ALK: variants seen among roughly 807,000 people sequenced by gnomAD.
ALK encodes the protein ALK receptor tyrosine kinase, also known as ALK tyrosine kinase receptor.
A neutral mutation model predicts 163.1 loss-of-function variants in ALK; 74 were observed. The observed-to-expected ratio is 0.45, with a 90% CI of 0.38 to 0.55. The LOEUF (loss-of-function observed/expected upper bound fraction) is 0.55. ALK is among the 20% of genes least tolerant of loss of function. The pLI, the probability that ALK is intolerant of heterozygous loss-of-function variation, is 0.00. For synonymous variants in ALK, 960 were observed against 843.2 expected, an observed-to-expected ratio of 1.14 and a Z score of -2.40; for missense variants, 2,063 against 2,105.3, an observed-to-expected ratio of 0.98 and a Z score of 0.39.
intron 1 of ALK, among the ~76,000 whole-genome samples, chr2:29,888,975 G>A (rs1416570173): frequency 5.3e-5 from 8 of 152,272 alleles, no homozygotes; most frequent in African/African-American, 1.4e-4. Flanking sequence ...GAATCCCAAT[G>A]TATAAAACCA....
chr2:29,882,606 A>C (rs1306821671), intron 1 of ALK, among the ~76,000 whole-genome samples: 1 of 152,172 alleles, frequency 6.6e-6, no homozygotes, highest in Non-Finnish European at 1.5e-5. Flanking sequence ...AGGCAGGAGA[A>C]TCACTTGAAC....
chr2:29,343,624 G>T (rs1667866179), intron 5 of ALK, among the ~76,000 whole-genome samples: 1 of 152,192 alleles, frequency 6.6e-6, no homozygotes. Flanking sequence ...CCTGCGCTGT[G>T]GTTCAAGGTC....
At position 29,920,468 on chromosome 2, in the gene ALK, G is replaced by A. The variant is rs376663390; in HGVS notation, c.192C>T (p.Phe64=). The A allele has an allele frequency of 5.6e-6, 9 of 1,612,666 alleles. 1 individual carries two copies. The Middle Eastern group carries it at 4.9e-4, about 88-fold the overall frequency. The part of the protein sequence containing the change: ...LAVDFVVPSL[F]RVYARDLLLP... ...GCAGTAGGTCCCGGGCGTAGACACGGAAGAGCGAGGGCACCACGAAGTCAA... is the reference window on the plus strand; with the variant it reads ...GCAGTAGGTCCCGGGCGTAGACACGAAAGAGCGAGGGCACCACGAAGTCAA... The change falls in exon 1 of 29, where the codon TTC becomes TTT. Residue 64 remains phenylalanine (F), a synonymous_variant. Transcript: ENST00000389048.
At chr2:29,863,083 C>T (rs1249643218) in intron 1 of ALK, among the ~76,000 whole-genome samples, 4 of 152,158 alleles carry the variant, frequency 2.6e-5, no homozygotes, top group East Asian at 1.9e-4. Context: ...TAAATTGGAT[C>T]TTTATCTCGC....
At chr2:29,434,583 T>C (rs1670353942) in intron 4 of ALK, among the ~76,000 whole-genome samples, 2 of 152,272 alleles carry the variant, frequency 1.3e-5, no homozygotes, top group Non-Finnish European at 2.9e-5. Context: ...GACTTGTTTC[T>C]TTGACCTGGC....
chr2:29,561,993 T>C (rs905215932), intron 3 of ALK, among the ~76,000 whole-genome samples: 1 of 152,198 alleles, frequency 6.6e-6, no homozygotes, highest in Non-Finnish European at 1.5e-5. Context: ...CAAGGACTTC[T>C]AGTGAACTTT....
chr2:29,528,980 G>A (rs1417077947), intron 4 of ALK, among the ~76,000 whole-genome samples: 1 of 152,176 alleles, frequency 6.6e-6, no homozygotes, highest in Non-Finnish European at 1.5e-5. Flanking sequence ...GGCAGCCTTG[G>A]CCAACGTGGC....
At chr2:29,601,438 C>T (rs1675377900) in intron 3 of ALK, among the ~76,000 whole-genome samples, 1 of 151,988 alleles carries the variant, frequency 6.6e-6, no homozygotes, top group Non-Finnish European at 1.5e-5. Flanking sequence ...GAATGGAAGA[C>T]TTTGTGAGCT....
chr2:29,695,438 C>T (rs181096306), intron 2 of ALK, among the ~76,000 whole-genome samples: 199 of 152,280 alleles, frequency 1.3e-3, no homozygotes, highest in Non-Finnish European at 2.2e-3. Flanking sequence ...CTCTCTGACC[C>T]TTAATTCCCT....
chr2:29,573,005 G>T (rs150127931), intron 3 of ALK, among the ~76,000 whole-genome samples: 3 of 152,156 alleles, frequency 2.0e-5, no homozygotes, highest in African/African-American at 7.2e-5. Context: ...TCACCATCCC[G>T]TCTCTAGTTC....
chr2:29,313,525 G>C (rs1183921537), intron 8 of ALK, among the ~76,000 whole-genome samples: 1 of 152,178 alleles, frequency 6.6e-6, no homozygotes, highest in Non-Finnish European at 1.5e-5. Context: ...CTCTGAGTTA[G>C]GTGACAGTAA....
At chr2:29,877,007 T>C (rs1391401566) in intron 1 of ALK, among the ~76,000 whole-genome samples, 1 of 152,174 alleles carries the variant, frequency 6.6e-6, no homozygotes, top group East Asian at 1.9e-4. Context: ...GGACTCATAG[T>C]AAAAATCAGA....
At chr2:29,717,264 A>C (rs1386288268) in intron 2 of ALK, among the ~76,000 whole-genome samples, 3 of 152,060 alleles carry the variant, frequency 2.0e-5, no homozygotes, top group African/African-American at 7.2e-5. Context: ...TCAAGAAGCA[A>C]ATAAGCATCT....
In ALK at chr2:29,897,503, G is replaced by A. The variant is rs1667301511; in HGVS notation, c.667+22490C>T. Among the ~76,000 whole-genome samples, 5 of 152,286 alleles carry A rather than the reference G, an allele frequency of 3.3e-5. No homozygotes were observed. The South Asian group carries it at 1.0e-3, about 32-fold the overall frequency. On this transcript the variant is annotated intron_variant, in intron 1 of 28. Coordinates refer to ENST00000389048, the MANE Select transcript of ALK (RefSeq NM_004304.5). ...GTTCTGTTACCAGGGACATCAGAGT[G>A]GGAGGTGGTGGGGTGGGGGCCCCAG...
At chr2:29,327,849 A>G (rs1436611780) in intron 6 of ALK, among the ~76,000 whole-genome samples, 1 of 152,186 alleles carries the variant, frequency 6.6e-6, no homozygotes, top group Non-Finnish European at 1.5e-5. Context: ...TTCTGAAAGA[A>G]TCGACTCAGG....
chr2:29,428,793 C>A (rs771727654), intron 4 of ALK, among the ~76,000 whole-genome samples: 50 of 151,952 alleles, frequency 3.3e-4, no homozygotes, highest in Non-Finnish European at 6.5e-4. Flanking sequence ...CAGAACCAGA[C>A]AAAGTTATTA....
intron 1 of ALK, among the ~76,000 whole-genome samples, chr2:29,874,222 C>T (rs866022737): frequency 3.9e-5 from 6 of 152,288 alleles, no homozygotes; most frequent in Non-Finnish European, 7.4e-5. Flanking sequence ...TTCTCTATGG[C>T]TTTCTTCTCT....
chr2:29,699,266 T>C (rs1436637071), intron 2 of ALK, among the ~76,000 whole-genome samples: 2 of 152,186 alleles, frequency 1.3e-5, no homozygotes, highest in Non-Finnish European at 2.9e-5. Flanking sequence ...CTGGCGGTCT[T>C]CCACGCACTG....
intron 2 of ALK, among the ~76,000 whole-genome samples, chr2:29,696,530 T>TAAAAAAAAAAAAAA (rs60320646): frequency 9.6e-6 from 1 of 103,850 alleles, no homozygotes; most frequent in Non-Finnish European, 2.0e-5. Context: ...CTTAAAGGAT[T>TAAAAAAAAAAAAAA]AAAAAAAAAA....
Sources: allele counts gnomAD v4.1 joint callset (sites outside exome capture counted in the v4.1 genomes callset), GRCh38; gene constraint gnomAD v4.1.1; transcripts MANE v1.5; gene names NCBI Gene and HGNC (gene_info 2026-07-23, HGNC 2026-07-21).